Variants in MAP4 observed in about 807,000 individuals in gnomAD.
The protein encoded by MAP4 is microtubule-associated protein 4.
Under a neutral mutation model 170.2 loss-of-function variants are expected in MAP4, and 76 were observed. That is an observed-to-expected ratio of 0.45 (90% CI 0.37 to 0.54). MAP4 has a LOEUF of 0.54. Ranked by LOEUF, MAP4 falls within the 20% of genes least tolerant of loss-of-function variation. The pLI, the probability that MAP4 is intolerant of heterozygous loss-of-function variation, is 0.00. For missense variants in MAP4, 2,506 were observed against 2,748.0 expected (o/e 0.91, Z 1.97); for synonymous variants, 909 against 994.5 (o/e 0.91, Z 1.62).
Position 47,917,518 on chromosome 3 carries a change from G to A in MAP4, c.653-344C>T, listed in dbSNP as rs138602570. ...GGAGAATTGCTAGAACCCAGGAGGC[G>A]GAGTTTGCAATGAACCGAGATCACG... On this transcript the variant is annotated intron_variant, in intron 6 of 20. Transcript: ENST00000683076. 2.3e-3 allele frequency among the ~76,000 whole-genome samples: 350 copies of A among 151,312 alleles called. 2 individuals carry two copies. Among genetic ancestry groups the A allele is most frequent in the African/African-American group, 8.1e-3 (335 of 41,126 alleles).
At chr3:48,077,945 T>C (rs1579862049) in intron 1 of MAP4, among the ~76,000 whole-genome samples, 1 of 152,140 alleles carries the variant, frequency 6.6e-6, no homozygotes, top group Non-Finnish European at 1.5e-5. Context: ...AGGCCATTTA[T>C]TGTATGATTC....
intron 1 of MAP4, among the ~76,000 whole-genome samples, chr3:48,073,332 C>T (rs1286500099): frequency 1.3e-5 from 2 of 151,272 alleles, no homozygotes; most frequent in East Asian, 1.9e-4. Flanking sequence ...CAAGTTCAGC[C>T]GGGTGCGGTG....
intron 10 of MAP4, among the ~76,000 whole-genome samples, chr3:47,881,085 A>G (rs1236711283): frequency 6.6e-6 from 1 of 151,994 alleles, no homozygotes; most frequent in Non-Finnish European, 1.5e-5. Context: ...TAGAATTGCT[A>G]AGTTTTCTAA....
intron 10 of MAP4, among the ~76,000 whole-genome samples, chr3:47,902,233 T>G (rs1480643660): frequency 2.0e-5 from 3 of 152,238 alleles, no homozygotes; most frequent in African/African-American, 7.2e-5. Context: ...TATTTAAATG[T>G]TCTGGCTCAA....
chr3:47,945,533 T>C (rs929304048), intron 3 of MAP4, among the ~76,000 whole-genome samples: 1 of 151,928 alleles, frequency 6.6e-6, no homozygotes, highest in Non-Finnish European at 1.5e-5. Flanking sequence ...ATAAAGGATG[T>C]TGAATGGAGA....
In MAP4 at chr3:47,986,319, CTTTGTTT is replaced by C. The variant is rs564432758; in HGVS notation, c.224-8393_224-8387del. On this transcript the variant is annotated intron_variant, in intron 2 of 20. Transcript: ENST00000683076. The stretch of plus-strand genomic sequence containing the variant: ...TAGCAATGAAGTGGTTTTTTTGTTG[CTTTGTTT>C]TTTGTTTTTTGGGGGGTTTTTTTGT... Among the ~76,000 whole-genome samples, 615 of 151,796 alleles carry C rather than the reference CTTTGTTT, an allele frequency of 4.1e-3. 5 individuals are homozygous for C. The highest frequency in any genetic ancestry group is 0.014 in the African/African-American group (580 of 41,372).
At chr3:47,875,053 G>C (rs959451225) in intron 12 of MAP4, among the ~76,000 whole-genome samples, 2 of 152,224 alleles carry the variant, frequency 1.3e-5, no homozygotes, top group African/African-American at 4.8e-5. Context: ...TACAGAAACC[G>C]TGGGTGACCT....
At chr3:48,046,638 A>C (rs2100124708) in intron 1 of MAP4, among the ~76,000 whole-genome samples, 1 of 152,164 alleles carries the variant, frequency 6.6e-6, no homozygotes, top group South Asian at 2.1e-4. Context: ...ATTGTTGAAC[A>C]CTTCTAACAG....
chr3:47,898,564 A>G (rs2100028292), intron 10 of MAP4, among the ~76,000 whole-genome samples: 1 of 152,224 alleles, frequency 6.6e-6, no homozygotes, highest in Non-Finnish European at 1.5e-5. Context: ...TAAATGGAAG[A>G]ATAATTAATG....
intron 2 of MAP4, among the ~76,000 whole-genome samples, chr3:47,992,274 C>T (rs1195769700): frequency 1.3e-5 from 2 of 152,156 alleles, no homozygotes; most frequent in African/African-American, 2.4e-5. Context: ...CAGATTTCTA[C>T]AAGACTAAAT....
chr3:47,873,464 G>C (rs1308247248), intron 12 of MAP4, among the ~76,000 whole-genome samples: 1 of 152,200 alleles, frequency 6.6e-6, no homozygotes, highest in Admixed American at 6.5e-5. Flanking sequence ...GCAGTATGTA[G>C]GTAGCGACAA....
At chr3:47,983,587 CG>C (rs1271139434) in intron 2 of MAP4, among the ~76,000 whole-genome samples, 4 of 152,024 alleles carry the variant, frequency 2.6e-5, no homozygotes, top group Non-Finnish European at 5.9e-5. Context: ...AGGATTTCAC[CG>C]TGTTGGCCAG....
intron 17 of MAP4, among the ~76,000 whole-genome samples, chr3:47,861,287 C>T (rs1163688865): frequency 6.6e-6 from 1 of 151,286 alleles, no homozygotes; most frequent in Non-Finnish European, 1.5e-5. Context: ...ACCCAGGAGG[C>T]AGAGGCTGCA....
chr3:47,915,542 G>A (rs890779877), intron 7 of MAP4, among the ~76,000 whole-genome samples: 5 of 152,170 alleles, frequency 3.3e-5, no homozygotes, highest in Non-Finnish European at 5.9e-5. Flanking sequence ...GCAATATATC[G>A]AGTAGGAAAG....
Position 47,981,588 on chromosome 3 carries a change from G to T in MAP4, c.224-3655C>A, listed in dbSNP as rs187216110. Among the ~76,000 whole-genome samples, 251 of 151,596 alleles carry T rather than the reference G, an allele frequency of 1.7e-3. 1 individual carries two copies. The highest frequency in any genetic ancestry group is 5.7e-3 in the African/African-American group (236 of 41,312). ...AGTTCGAGACCTGCCTGGCCAATGCGGTGAAACCCCATATCTACTAAAATA... is the reference window on the plus strand; with the variant it reads ...AGTTCGAGACCTGCCTGGCCAATGCTGTGAAACCCCATATCTACTAAAATA... On this transcript the variant is annotated intron_variant, in intron 2 of 20. Transcript: ENST00000683076.
rs1309825842 is a variant in MAP4, at chr3:47,958,070, T to C, written c.292+19795A>G. Among the ~76,000 whole-genome samples the C allele has an allele frequency of 2.6e-5, 4 of 152,208 alleles. No homozygotes were observed. In the East Asian group the frequency reaches 7.7e-4, roughly 29 times the overall value. On this transcript the variant is annotated intron_variant, in intron 3 of 20. Coordinates refer to ENST00000683076, the MANE Select transcript of MAP4 (RefSeq NM_001385682.1). ...TGCCACTTGGCTACTTGGGACTCCTTACACCACTGAACCAACAGGCTGAAC... is the reference window on the plus strand; with the variant it reads ...TGCCACTTGGCTACTTGGGACTCCTCACACCACTGAACCAACAGGCTGAAC...
chr3:47,959,433 C>T (rs2100070021), intron 3 of MAP4, among the ~76,000 whole-genome samples: 1 of 150,904 alleles, frequency 6.6e-6, no homozygotes, highest in South Asian at 2.1e-4. Context: ...GCACTCCAGC[C>T]TGGGCAAAAG....
At chr3:47,914,026 G>C (rs778751550) in intron 8 of MAP4, among the ~76,000 whole-genome samples, 7 of 152,076 alleles carry the variant, frequency 4.6e-5, no homozygotes, top group Admixed American at 1.3e-4. Flanking sequence ...AATTACAAAG[G>C]CCTAAGGTAG....
At chr3:47,994,570 G>GTT (rs2100094279) in intron 2 of MAP4, among the ~76,000 whole-genome samples, 1 of 152,288 alleles carries the variant, frequency 6.6e-6, no homozygotes, top group South Asian at 2.1e-4. Context: ...TTCATCTTGA[G>GTT]TTATTTGATC....
Sources: allele counts gnomAD v4.1 joint callset (sites outside exome capture counted in the v4.1 genomes callset), GRCh38; gene constraint gnomAD v4.1.1; transcripts MANE v1.5; gene names NCBI Gene and HGNC (gene_info 2026-07-23, HGNC 2026-07-21).